Variants in PLEKHG4 observed in about 807,000 individuals in gnomAD.
PLEKHG4 encodes puratrophin-1.
Under a neutral mutation model 136.9 loss-of-function variants are expected in PLEKHG4, and 85 were observed. That is an observed-to-expected ratio of 0.62 (90% CI 0.52 to 0.74). The LOEUF (loss-of-function observed/expected upper bound fraction) is 0.74, where lower values mean the gene tolerates loss of function less well. Among genes scored for constraint, PLEKHG4 ranks in the 30% least tolerant of loss-of-function variants. The pLI, the probability that PLEKHG4 is intolerant of heterozygous loss-of-function variation, is 0.00. For missense variants in PLEKHG4, 1,317 were observed against 1,527.8 expected (o/e 0.86, Z 2.30); for synonymous variants, 577 against 646.9 (o/e 0.89, Z 1.64).
Position 67,281,170 on chromosome 16 carries a change from C to T in PLEKHG4, c.799C>T (p.Leu267Phe). ...TCCAAGTTCTTCCCTCTTCTCTGGG[C>T]TCAGCCAACTACAAGTGAGTACAGG... Reference protein sequence around the residue: ...CAPSSSLFSGLSQLQEAAPGA... With the variant: ...CAPSSSLFSGFSQLQEAAPGA... The change falls in exon 5 of 22, where the codon CTC (leucine) becomes TTC (phenylalanine). Residue 267 changes from leucine to phenylalanine, a missense_variant. Leu to Phe is a conservative substitution (Grantham distance 22). Coordinates refer to ENST00000379344, the MANE Select transcript of PLEKHG4 (RefSeq NM_001129729.3). 1.2e-6 allele frequency: 2 copies of T among 1,611,764 alleles called. No individual in the cohort carries two copies. Among genetic ancestry groups the T allele is most frequent in the Non-Finnish European group, 8.5e-7 (1 of 1,177,966 alleles).
Position 67,284,481 on chromosome 16 carries a change from C to T in PLEKHG4, c.1692+24C>T, listed in dbSNP as rs2036372835. 1.9e-6 allele frequency: 3 copies of T among 1,611,506 alleles called. No homozygotes were observed. Among genetic ancestry groups the T allele is most frequent in the South Asian group, 1.1e-5 (1 of 90,920 alleles). On this transcript the variant is annotated intron_variant, in intron 12 of 21. Transcript: ENST00000379344. This position sits in a 1 kb window ranked among gnomAD's most constrained non-coding sequence, Gnocchi z 4.4. ...AGGTGGGTGAGAGTCTCCCCAGCTCCAAGTGATCCATGAGGCCGGAGGGAT... is the reference window on the plus strand; with the variant it reads ...AGGTGGGTGAGAGTCTCCCCAGCTCTAAGTGATCCATGAGGCCGGAGGGAT...
intron 16 of PLEKHG4, 34 bp from the exon 17 acceptor site, chr16:67,286,715 G>C: frequency 6.2e-7 from 1 of 1,606,746 alleles, no homozygotes; most frequent in Non-Finnish European, 8.5e-7. Flanking sequence ...GAAGGCAGAA[G>C]AGGCTGGCCA....
At position 67,280,146 on chromosome 16, in the gene PLEKHG4, G is replaced by A; in HGVS notation, c.102G>A (p.Glu34=). Residue 34 remains glutamate, a synonymous_variant, in exon 2 of 22, where the codon GAG becomes GAA. Transcript: ENST00000379344. This position sits in a 1 kb window ranked among gnomAD's most constrained non-coding sequence, Gnocchi z 4.4. ...AVCSFRDAWE[E]EEPASQMHVK... The stretch of plus-strand genomic sequence containing the variant: ...GCAGTTTCAGGGATGCCTGGGAAGA[G>A]GAGGAACCTGCTTCCCAGATGCACG... 6.2e-7 allele frequency: 1 copy of A among 1,613,708 alleles called. No homozygotes were observed. Among genetic ancestry groups the A allele is most frequent in the Non-Finnish European group, 8.5e-7 (1 of 1,179,802 alleles).
Position 67,288,147 on chromosome 16 carries a change from T to C in PLEKHG4, c.3221-20T>C. 6 of 1,607,328 alleles carry C rather than the reference T, an allele frequency of 3.7e-6. No homozygotes were observed. Among genetic ancestry groups the C allele is most frequent in the Non-Finnish European group, 4.3e-6 (5 of 1,173,878 alleles). On this transcript the variant is annotated intron_variant, in intron 19 of 21. Coordinates refer to ENST00000379344, the MANE Select transcript of PLEKHG4 (RefSeq NM_001129729.3). ...GGCTAGGCTCTGGCCTGTCCCAACC[T>C]GACCCTCTCTCTTATGCAGAAGTTC...
Position 67,285,104 on chromosome 16 carries a change from A to C in PLEKHG4, c.2084A>C (p.His695Pro). The C allele has an allele frequency of 1.2e-6, 2 of 1,613,408 alleles. No homozygotes were observed. The highest frequency in any genetic ancestry group is 2.2e-5 in the South Asian group (2 of 91,084). Residue 695 changes from histidine to proline, a missense_variant, in exon 13 of 22, where the codon CAT (histidine) becomes CCT (proline). Coordinates refer to ENST00000379344, the MANE Select transcript of PLEKHG4 (RefSeq NM_001129729.3). Reference protein sequence around the residue: ...SLSEPACHCHHAATIAACRRP... With the variant: ...SLSEPACHCHPAATIAACRRP... ...AGTGAACCTGCCTGCCACTGCCACC[A>C]TGCGGCCACTATTGCTGCCTGCCGC...
In PLEKHG4 at chr16:67,288,823, G is replaced by C. The variant is rs371773676; in HGVS notation, c.*15G>C. ...TGCAGGTCTGAGCCCGGGACTGGAC[G>C]AGCAGTAGATCCAGCAGCCTGCAGC... On this transcript the variant is annotated 3_prime_UTR_variant, in exon 22 of 22. Transcript: ENST00000379344. 1.2e-5 allele frequency: 20 copies of C among 1,613,452 alleles called. No individual in the cohort carries two copies. The South Asian group carries it at 1.9e-4, about 15-fold the overall frequency.
rs1310532359 is a variant in PLEKHG4, at chr16:67,281,831, C to T, written c.999C>T (p.Phe333=). The T allele has an allele frequency of 1.2e-6, 2 of 1,612,360 alleles. No individual in the cohort carries two copies. Among genetic ancestry groups the T allele is most frequent in the Admixed American group, 1.7e-5 (1 of 60,000 alleles). The change falls in exon 7 of 22, where the codon TTC becomes TTT. Residue 333 remains phenylalanine, a synonymous_variant. Coordinates refer to ENST00000379344, the MANE Select transcript of PLEKHG4 (RefSeq NM_001129729.3). ...ACTGCCACCAGGCCTGGCTGGATTT[C>T]CGAAGGGTCAGTACACTGGGTGGGG... The part of the protein sequence containing the change: ...LPYCHQAWLD[F]RRRLEALLQN...
In PLEKHG4 at chr16:67,280,206, G is replaced by A. The variant is rs779386436; in HGVS notation, c.162G>A (p.Gly54=). The A allele has an allele frequency of 1.2e-6, 2 of 1,613,842 alleles. No homozygotes were observed. Among genetic ancestry groups the A allele is most frequent in the East Asian group, 2.2e-5 (1 of 44,880 alleles). ...KDPGPPRPPA[G]ATQDEELQGS... ...CAGGTCCTCCAAGACCACCAGCCGG[G>A]GCCACCCAGGATGAGGAGCTACAGG... Residue 54 remains glycine (G), a synonymous_variant, in exon 2 of 22, where the codon GGG becomes GGA. Coordinates refer to ENST00000379344, the MANE Select transcript of PLEKHG4 (RefSeq NM_001129729.3). The surrounding 1 kb of genome is among the most constrained non-coding windows in gnomAD (Gnocchi z 4.4).
rs760042179 is a variant in PLEKHG4 at position 67,288,160 on chromosome 16, T to C, written c.3221-7T>C. 4 of 1,612,764 alleles carry C rather than the reference T, an allele frequency of 2.5e-6. No homozygotes were observed. The African/African-American group carries it at 4.0e-5, about 16-fold the overall frequency. ...CCTGTCCCAACCTGACCCTCTCTCT[T>C]ATGCAGAAGTTCGCTCTCGGGCGTC... On this transcript the variant is annotated splice_polypyrimidine_tract_variant and splice_region_variant and intron_variant, in intron 19 of 21. Transcript: ENST00000379344.
At position 67,281,760 on chromosome 16, in the gene PLEKHG4, A is replaced by C. The variant is rs1413588862; in HGVS notation, c.928A>C (p.Ile310Leu). The C allele has an allele frequency of 6.2e-7, 1 of 1,614,092 alleles. No homozygotes were observed. Among genetic ancestry groups the C allele is most frequent in the Admixed American group, 1.7e-5 (1 of 60,030 alleles). The change falls in exon 7 of 22, where the codon ATC becomes CTC. Residue 310 changes from isoleucine to leucine, a missense_variant. Transcript: ENST00000379344. The part of the protein sequence containing the change: ...QLPSQSLLTH[I>L]PTAGLPTSLG... ...GCCTTCTCAGAGCCTGCTGACCCAC[A>C]TCCCAACGGCGGGGCTGCCCACTTC...
chr16:67,284,212 A>T lies in PLEKHG4; in HGVS notation c.1510-63A>T, dbSNP rs1193970716. On this transcript the variant is annotated intron_variant, in intron 11 of 21. Transcript: ENST00000379344. This position sits in a 1 kb window ranked among gnomAD's most constrained non-coding sequence, Gnocchi z 4.4. ...ACATGTCGATATGTCAGCAGGAAGT[A>T]TCTGAGTCTGGGGGCTAGACCGCCA... 2.2e-5 allele frequency: 32 copies of T among 1,443,918 alleles called. No homozygotes were observed. The highest frequency in any genetic ancestry group is 2.8e-5 in the Non-Finnish European group (29 of 1,037,464). The allele number at this position is 1,443,918 out of a possible 1,614,324, so 89.4% of individuals were successfully genotyped here. A position where few individuals can be genotyped will look rare whatever the true frequency, so the allele number is the denominator to read the frequency against.
rs2036195446 is a variant in PLEKHG4 at position 67,281,067 on chromosome 16, C to A, written c.720-24C>A. 2.5e-6 allele frequency: 4 copies of A among 1,613,776 alleles called. 1 individual carries two copies. The Middle Eastern group carries it at 5.0e-4, about 200-fold the overall frequency. On this transcript the variant is annotated intron_variant, in intron 4 of 21. Transcript: ENST00000379344. ...AGCTGTGAGGACTGGGAGTCAGGTA[C>A]TGAACTGAAGCTCACCCCTTTAGGC... is the stretch of plus-strand genomic sequence containing the variant.
rs1159660385 is a variant in PLEKHG4 at position 67,281,813 on chromosome 16, C to T, written c.981C>T (p.His327=). ...TAGGAGGAGGCCTGCCTTACTGCCACCAGGCCTGGCTGGATTTCCGAAGGG... is the reference window on the plus strand; with the variant it reads ...TAGGAGGAGGCCTGCCTTACTGCCATCAGGCCTGGCTGGATTTCCGAAGGG... ...TSLGGGLPYC[H]QAWLDFRRRL... The change falls in exon 7 of 22, where the codon CAC becomes CAT. Residue 327 remains histidine, a synonymous_variant. Coordinates refer to ENST00000379344, the MANE Select transcript of PLEKHG4 (RefSeq NM_001129729.3). 3 of 1,613,394 alleles carry T rather than the reference C, an allele frequency of 1.9e-6. No homozygotes were observed. Among genetic ancestry groups the T allele is most frequent in the Non-Finnish European group, 2.5e-6 (3 of 1,179,924 alleles).
In PLEKHG4 at chr16:67,280,626, A is replaced by C. The variant is rs1453002143; in HGVS notation, c.499+83A>C. The C allele has an allele frequency of 6.2e-7, 1 of 1,611,856 alleles. No homozygotes were observed. Among genetic ancestry groups the C allele is most frequent in the Non-Finnish European group, 8.5e-7 (1 of 1,178,452 alleles). ...AGTGTCAAGACTTTGGAGGTCTCTG[A>C]CCCTACTCAGGCTGAAGCCCGGGTC... is the stretch of plus-strand genomic sequence containing the variant. On this transcript the variant is annotated intron_variant, in intron 2 of 21. Coordinates refer to ENST00000379344, the MANE Select transcript of PLEKHG4 (RefSeq NM_001129729.3). The surrounding 1 kb of genome is among the most constrained non-coding windows in gnomAD (Gnocchi z 4.4).
At position 67,285,402 on chromosome 16, in the gene PLEKHG4, G is replaced by A; in HGVS notation, c.2308G>A (p.Gly770Ser). The change falls in exon 14 of 22, where the codon GGC becomes AGC. Residue 770 changes from glycine (G) to serine (S), a missense_variant. By Grantham distance (56) the Gly-to-Ser change is moderately conservative (BLOSUM62 0). Transcript: ENST00000379344. Reference protein sequence around the residue: ...PELDRPDVPQGLRGQRAHLFG... With the variant: ...PELDRPDVPQSLRGQRAHLFG... ...GCTGGATCGCCCCGATGTGCCCCAG[G>A]GCCTCCGCGGTCAGCGTGCCCACCT... 1 of 1,614,218 alleles carries A rather than the reference G, an allele frequency of 6.2e-7. No individual in the cohort carries two copies. Among genetic ancestry groups the A allele is most frequent in the Non-Finnish European group, 8.5e-7 (1 of 1,180,046 alleles).
Position 67,286,351 on chromosome 16 carries a change from C to T in PLEKHG4, c.2520C>T (p.His840=). The part of the protein sequence containing the change: ...RSDALMSSYG[H]TFFKDKQQAL... ...ATGCCCTGATGTCAAGCTATGGGCA[C>T]ACCTTCTTCAAGGTAAGTGAACCTG... The change falls in exon 15 of 22, where the codon CAC becomes CAT. Residue 840 remains histidine, a synonymous_variant. Coordinates refer to ENST00000379344, the MANE Select transcript of PLEKHG4 (RefSeq NM_001129729.3). 6.2e-7 allele frequency: 1 copy of T among 1,613,438 alleles called. No individual in the cohort carries two copies. Among genetic ancestry groups the T allele is most frequent in the Non-Finnish European group, 8.5e-7 (1 of 1,179,334 alleles).
At chr16:67,278,357 T>C (rs1223107835), upstream of PLEKHG4, 1 of 152,242 alleles carries the variant, frequency 6.6e-6, no homozygotes, top group East Asian at 1.9e-4. Context: ...GTGCCTGTTG[T>C]AATCCCCAGG....
At chr16:67,281,689 C>T in intron 6 of PLEKHG4, 35 bp from the exon 7 acceptor site, 1 of 1,613,360 alleles carries the variant, frequency 6.2e-7, no homozygotes. Context: ...GTGCCTCCCC[C>T]CAGGCCTGGG....
In PLEKHG4 at chr16:67,281,176, C is replaced by CAACT; in HGVS notation, c.807_810dup (p.Gln271ThrfsTer156). ...TTCTTCCCTCTTCTCTGGGCTCAGCCAACTACAAGTGAGTACAGGATTGTA... is the reference window on the plus strand; with the variant it reads ...TTCTTCCCTCTTCTCTGGGCTCAGCCAACTAACTACAAGTGAGTACAGGATTGTA... On this transcript the variant is annotated frameshift_variant, in exon 5 of 22. Transcript: ENST00000379344. LOFTEE classifies it high-confidence loss of function. The CAACT allele has an allele frequency of 1.2e-6, 2 of 1,606,136 alleles. No individual in the cohort carries two copies. Among genetic ancestry groups the CAACT allele is most frequent in the Non-Finnish European group, 1.7e-6 (2 of 1,172,896 alleles).
Sources: gnomAD v4.1 joint callset for allele counts on GRCh38, gnomAD v4.1.1 for gene constraint, Gnocchi (gnomAD v3.1) non-coding constraint, MANE v1.5 for transcripts, NCBI Gene and HGNC (gene_info 2026-07-23, HGNC 2026-07-21) for gene names.